Variants in FKTN observed in about 807,000 individuals in gnomAD.
FKTN encodes the protein fukutin.
Under a neutral mutation model 58.6 loss-of-function variants are expected in FKTN, and 47 were observed. The ratio of observed to expected loss-of-function variants is 0.80; its 90% CI spans 0.63 to 1.02. The LOEUF (loss-of-function observed/expected upper bound fraction) is 1.02. Among genes scored for constraint, FKTN ranks in the 50% least tolerant of loss-of-function variants. The pLI is 0.00. For synonymous variants in FKTN, 178 were observed against 191.9 expected (o/e 0.93, Z 0.60); for missense variants, 516 against 537.3 (o/e 0.96, Z 0.39).
At chr9:105,621,000 T>C (rs960266290) in intron 10 of FKTN, among the ~76,000 whole-genome samples, 2 of 152,150 alleles carry the variant, frequency 1.3e-5, no homozygotes, top group Admixed American at 6.6e-5. Flanking sequence ...CTTAAATTAC[T>C]TTCTAAGGCT....
chr9:105,567,866 G>A (rs908514627), intron 1 of FKTN, among the ~76,000 whole-genome samples: 1 of 152,208 alleles, frequency 6.6e-6, no homozygotes, highest in Non-Finnish European at 1.5e-5. Context: ...AAAGCTGGAG[G>A]CATCACGCTA....
At position 105,638,914 on chromosome 9, in the gene FKTN, G is replaced by A. The variant is rs1267699047; in HGVS notation, c.*3650G>A. On this transcript the variant is annotated 3_prime_UTR_variant, in exon 11 of 11. Coordinates refer to ENST00000357998, the MANE Select transcript of FKTN (RefSeq NM_001079802.2). ...AGGCAGGATATTACATAGGTAAGCAGGAATTTATACATTGGGTACCAGAGC... is the reference window on the plus strand; with the variant it reads ...AGGCAGGATATTACATAGGTAAGCAAGAATTTATACATTGGGTACCAGAGC... 2.0e-6 allele frequency: 2 copies of A among 985,148 alleles called. No homozygotes were observed. Among genetic ancestry groups the A allele is most frequent in the Admixed American group, 6.2e-5 (1 of 16,230 alleles). 61.0% of individuals were successfully genotyped at this position (985,148 alleles called of 1,614,324 possible).
intron 3 of FKTN, among the ~76,000 whole-genome samples, chr9:105,592,574 T>C (rs1238443702): frequency 6.6e-6 from 1 of 151,888 alleles, no homozygotes; most frequent in Non-Finnish European, 1.5e-5. Flanking sequence ...ATAGCAGAGG[T>C]TGCAGTGAGC....
chr9:105,608,626 T>A (rs964397995), intron 7 of FKTN, among the ~76,000 whole-genome samples: 1 of 152,234 alleles, frequency 6.6e-6, no homozygotes, highest in Non-Finnish European at 1.5e-5. Flanking sequence ...TGCCCTTTAT[T>A]TTCTGGGGTT....
intron 1 of FKTN, among the ~76,000 whole-genome samples, chr9:105,565,535 A>G (rs1839397188): frequency 6.6e-6 from 1 of 152,050 alleles, no homozygotes; most frequent in Admixed American, 6.5e-5. Flanking sequence ...ACCAACAAAG[A>G]TCAAAAGAGA....
rs147162785 is a variant in FKTN at position 105,563,199 on chromosome 9, C to T, written c.-181+5034C>T. 7.2e-3 allele frequency among the ~76,000 whole-genome samples: 1,104 copies of T among 152,314 alleles called. 35 individuals are homozygous for T. The East Asian group carries it at 0.075, about 10-fold the overall frequency. ...TTCCAAGATGGCCGAATAGGAACAG[C>T]TCCAGTCTACAGCTCCCAGCGTGAG... On this transcript the variant is annotated intron_variant, in intron 1 of 10. Coordinates refer to ENST00000357998, the MANE Select transcript of FKTN (RefSeq NM_001079802.2).
At chr9:105,597,053 A>G (rs1170804368) in intron 4 of FKTN, among the ~76,000 whole-genome samples, 1 of 152,220 alleles carries the variant, frequency 6.6e-6, no homozygotes, top group Non-Finnish European at 1.5e-5. Flanking sequence ...AAATCTATTC[A>G]ACCTATTCCT....
At chr9:105,615,211 A>G in intron 7 of FKTN, 67 bp from the exon 8 acceptor site, 1 of 1,542,848 alleles carries the variant, frequency 6.5e-7, no homozygotes, top group Non-Finnish European at 8.9e-7. Context: ...TTTAATTCAG[A>G]TGCCACAGAA....
rs1338017219 is a variant in FKTN, at chr9:105,565,782, C to T, written c.-181+7617C>T. On this transcript the variant is annotated intron_variant, in intron 1 of 10. Transcript: ENST00000357998. ...AAGGATATCCAGGAATTGAACTCAA[C>T]TCTGCAGCAAGTGGACCTAATAGAC... 2.0e-5 allele frequency among the ~76,000 whole-genome samples: 3 copies of T among 152,206 alleles called. No individual in the cohort carries two copies. In the South Asian group the frequency reaches 6.2e-4, roughly 32 times the overall value.
chr9:105,576,097 A>C (rs1353195422), intron 3 of FKTN, among the ~76,000 whole-genome samples: 1 of 151,674 alleles, frequency 6.6e-6, no homozygotes, highest in African/African-American at 2.4e-5. Context: ...GCATTGTTAC[A>C]TGGAGTTATT....
At chr9:105,619,056 CT>C (rs1831365089) in intron 9 of FKTN, among the ~76,000 whole-genome samples, 1 of 123,892 alleles carries the variant, frequency 8.1e-6, no homozygotes. Context: ...AAGACTCCGT[CT>C]TAAAAAAAAA....
At chr9:105,620,330 G>T (rs1321187091) in intron 10 of FKTN, among the ~76,000 whole-genome samples, 1 of 152,190 alleles carries the variant, frequency 6.6e-6, no homozygotes, top group Non-Finnish European at 1.5e-5. Flanking sequence ...GAGAGAATGA[G>T]AATGAGAACC....
chr9:105,607,703 C>G (rs1359383882), intron 6 of FKTN, 116 bp from the exon 7 acceptor site: 2 of 857,714 alleles, frequency 2.3e-6, no homozygotes. Flanking sequence ...TAGTTTGCTG[C>G]ACCTATCAAC....
intron 1 of FKTN, among the ~76,000 whole-genome samples, chr9:105,572,636 G>A (rs554559959): frequency 6.6e-6 from 1 of 152,314 alleles, no homozygotes; most frequent in South Asian, 2.1e-4. Context: ...TAGCAAGAAA[G>A]GAAGAGTGAA....
chr9:105,568,799 A>G (rs1840182474), intron 1 of FKTN, among the ~76,000 whole-genome samples: 1 of 152,218 alleles, frequency 6.6e-6, no homozygotes, highest in Admixed American at 6.5e-5. Context: ...GTATATACCC[A>G]AAGGATTATA....
rs1828504981 is a variant in FKTN at position 105,604,495 on chromosome 9, A to G, written c.647+3A>G. On this transcript the variant is annotated splice_donor_region_variant and intron_variant, in intron 6 of 10. Transcript: ENST00000357998. ...CGTTATCCAGGAGCTTTTGACAGGT[A>G]AGTTCAGAGTCAAAACGTGAAATGT... The G allele has an allele frequency of 6.2e-7, 1 of 1,613,210 alleles. No homozygotes were observed. Among genetic ancestry groups the G allele is most frequent in the South Asian group, 1.1e-5 (1 of 90,998 alleles).
chr9:105,610,855 G>A (rs551377803), intron 7 of FKTN, among the ~76,000 whole-genome samples: 2 of 152,076 alleles, frequency 1.3e-5, no homozygotes, highest in South Asian at 2.1e-4. Flanking sequence ...CAGGAAGGGC[G>A]GGAGACTTTA....
At chr9:105,622,340 G>T (rs1235230135) in intron 10 of FKTN, among the ~76,000 whole-genome samples, 1 of 151,642 alleles carries the variant, frequency 6.6e-6, no homozygotes, top group Non-Finnish European at 1.5e-5. Flanking sequence ...TTTTTAAAAG[G>T]CAGAAGAGGA....
rs116105846 is a variant in FKTN, at chr9:105,607,839, C to T, written c.668C>T (p.Thr223Ile). Residue 223 changes from threonine to isoleucine, a missense_variant, in exon 7 of 11, where the codon ACT becomes ATT. Thr to Ile is a moderately conservative substitution (Grantham distance 89). Transcript: ENST00000357998. ...AFDRPELQQV[T>I]VDGLEVLIPK... ...TTCAGGCCAGAGTTACAGCAAGTTA[C>T]TGTTGATGGACTGGAAGTTCTCATT... 614 of 1,612,272 alleles carry T rather than the reference C, an allele frequency of 3.8e-4. 2 individuals carry two copies. The African/African-American group carries it at 7.2e-3, about 19-fold the overall frequency.
Sources: gnomAD v4.1 joint callset for allele counts (sites outside exome capture counted in the v4.1 genomes callset) on GRCh38, gnomAD v4.1.1 for gene constraint, MANE v1.5 for transcripts, NCBI Gene and HGNC (gene_info 2026-07-23, HGNC 2026-07-21) for gene names.